The following FLT3 variants were observed in gnomAD, a reference collection of about 807,000 sequenced individuals.
The protein encoded by FLT3 is fms related receptor tyrosine kinase 3.
Under a neutral mutation model 126.6 loss-of-function variants are expected in FLT3, and 46 were observed. The observed-to-expected ratio is 0.36, with a 90% confidence interval of 0.29 to 0.46. The LOEUF (loss-of-function observed/expected upper bound fraction) is 0.46, where lower values mean the gene tolerates loss of function less well. Ranked by LOEUF, FLT3 falls within the 20% of genes least tolerant of loss-of-function variation. The pLI is 1.00. For missense variants in FLT3, 1,069 were observed against 1,190.3 expected (o/e 0.90, Z 1.50); for synonymous variants, 404 against 434.4 (o/e 0.93, Z 0.87).
In FLT3 at chr13:28,026,058, C is replaced by T. The variant is rs376502892; in HGVS notation, c.2207+1030G>A. The stretch of plus-strand genomic sequence containing the variant: ...CCATACAGGGAGGGAAATAAGAACG[C>T]GCCAAGGCTCAGCCAGGTGCGGTGG... On this transcript the variant is annotated intron_variant, in intron 17 of 23. Transcript: ENST00000241453. Among the ~76,000 whole-genome samples, 18 of 152,208 alleles carry T rather than the reference C, an allele frequency of 1.2e-4. No homozygotes were observed. In the South Asian group the frequency reaches 1.2e-3, roughly 11 times the overall value.
intron 1 of FLT3, among the ~76,000 whole-genome samples, chr13:28,089,192 A>G (rs1479468155): frequency 6.6e-6 from 1 of 152,200 alleles, no homozygotes; most frequent in Non-Finnish European, 1.5e-5. Flanking sequence ...AAACCAAAAA[A>G]CTGACAATAC....
At chr13:28,076,325 C>T (rs989421714) in intron 1 of FLT3, among the ~76,000 whole-genome samples, 2 of 152,034 alleles carry the variant, frequency 1.3e-5, no homozygotes, top group African/African-American at 2.4e-5. Flanking sequence ...GATATATATA[C>T]ATATATTTCA....
chr13:28,091,408 A>G (rs996040958), intron 1 of FLT3, among the ~76,000 whole-genome samples: 10 of 148,196 alleles, frequency 6.7e-5, no homozygotes, highest in African/African-American at 1.0e-4. Flanking sequence ...TTTTTAGTAG[A>G]GACGGGGTTT....
chr13:28,090,801 A>G (rs1397679356), intron 1 of FLT3, among the ~76,000 whole-genome samples: 1 of 152,142 alleles, frequency 6.6e-6, no homozygotes, highest in African/African-American at 2.4e-5. Context: ...ACAAAAGAAC[A>G]AAGCCAAAGG....
At chr13:28,097,397 T>C (rs1336164466) in intron 1 of FLT3, among the ~76,000 whole-genome samples, 1 of 152,174 alleles carries the variant, frequency 6.6e-6, no homozygotes, top group African/African-American at 2.4e-5. Context: ...TCCTTCCCAT[T>C]TAATATCTCA....
chr13:28,072,998 C>T (rs11616501), intron 1 of FLT3, among the ~76,000 whole-genome samples: 79,979 of 148,980 alleles, frequency 0.54, 22,659 homozygotes, highest in East Asian at 0.75. Flanking sequence ...GAGCGAGACT[C>T]CGTCTCTAAA....
chr13:28,045,230 G>C (rs968971216), intron 9 of FLT3, among the ~76,000 whole-genome samples: 1 of 152,140 alleles, frequency 6.6e-6, no homozygotes, highest in African/African-American at 2.4e-5. Flanking sequence ...ATCTCAAAAG[G>C]TTATACCAGA....
At chr13:28,099,220 G>A (rs1362993641) in intron 1 of FLT3, among the ~76,000 whole-genome samples, 1 of 152,094 alleles carries the variant, frequency 6.6e-6, no homozygotes, top group African/African-American at 2.4e-5. Context: ...AGCCCATTAT[G>A]CTTCTGAAAA....
Position 28,015,597 on chromosome 13 carries a change from G to C in FLT3, c.2646C>G (p.Phe882Leu). 2 of 1,603,392 alleles carry C rather than the reference G, an allele frequency of 1.2e-6. No homozygotes were observed. The highest frequency in any genetic ancestry group is 1.7e-6 in the Non-Finnish European group (2 of 1,171,264). Residue 882 changes from phenylalanine (F) to leucine (L), a missense_variant, in exon 21 of 24, where the codon TTC becomes TTG. By Grantham distance (22) the Phe-to-Leu change is conservative. Coordinates refer to ENST00000241453, the MANE Select transcript of FLT3 (RefSeq NM_004119.3). Reference sequence around the variant, plus strand: ...AGCAGCTGCCCAACTTACCAAGTGAGAAGATTTCCCACAGTAATATTCCAT... The same window carrying C: ...AGCAGCTGCCCAACTTACCAAGTGACAAGATTTCCCACAGTAATATTCCAT... ...WSYGILLWEI[F>L]SLGVNPYPGI...
In FLT3 at chr13:28,023,558, G is replaced by C. The variant is rs890174943; in HGVS notation, c.2291-81C>G. On this transcript the variant is annotated intron_variant, in intron 18 of 23. Transcript: ENST00000241453. ...AAATCTCTATGGGAAGGTTATTCAA[G>C]CCAGAGTTAGGTGAGGTGCTAAGAC... 43 of 1,497,864 alleles carry C rather than the reference G, an allele frequency of 2.9e-5. No homozygotes were observed. The African/African-American group carries it at 5.5e-4, about 19-fold the overall frequency. The allele number at this position is 1,497,864 out of a possible 1,614,324, so 92.8% of individuals were successfully genotyped here.
Position 28,015,688 on chromosome 13 carries a change from A to G in FLT3, c.2555T>C (p.Val852Ala). 1 of 1,611,738 alleles carries G rather than the reference A, an allele frequency of 6.2e-7. No homozygotes were observed. The highest frequency in any genetic ancestry group is 1.1e-5 in the South Asian group (1 of 91,012). The change falls in exon 21 of 24, where the codon GTA (valine) becomes GCA (alanine). Residue 852 changes from valine to alanine, a missense_variant. By Grantham distance (64) the Val-to-Ala change is moderately conservative. Coordinates refer to ENST00000241453, the MANE Select transcript of FLT3 (RefSeq NM_004119.3). ...CAGGCTTTCGGGGGCCATCCATTTT[A>G]CAGGCAGACGGGCCTGTGGAAAACC... ...YVVRGNARLP[V>A]KWMAPESLFE...
intron 2 of FLT3, among the ~76,000 whole-genome samples, chr13:28,066,379 C>A (rs115327615): frequency 8.5e-5 from 13 of 152,148 alleles, no homozygotes. Context: ...CTAAATACTA[C>A]CCCCCAGAGA....
In FLT3 at chr13:28,049,440, T is replaced by A; in HGVS notation, c.980A>T (p.Tyr327Phe). The part of the protein sequence containing the change: ...VSSVARNDTG[Y>F]YTCSSSKHPS... ...ATGCTTTGAAGAGGAACAAGTGTAGTATCCGGTGTCGTTTCTTGCCACTGA... is the reference window on the plus strand; with the variant it reads ...ATGCTTTGAAGAGGAACAAGTGTAGAATCCGGTGTCGTTTCTTGCCACTGA... Residue 327 changes from tyrosine to phenylalanine, a missense_variant, in exon 8 of 24, where the codon TAC becomes TTC. Tyr to Phe is a conservative substitution (Grantham distance 22, BLOSUM62 3). Transcript: ENST00000241453. 6.2e-7 allele frequency: 1 copy of A among 1,613,254 alleles called. No homozygotes were observed. Among genetic ancestry groups the A allele is most frequent in the Non-Finnish European group, 8.5e-7 (1 of 1,179,710 alleles).
Position 28,003,934 on chromosome 13 carries a change from G to C in FLT3, c.*118C>G. ...GCAGACAGCTTCTAGAGAAAAGTCT[G>C]GTGAAGCAGCAGTTGATAATAGATT... On this transcript the variant is annotated 3_prime_UTR_variant, in exon 24 of 24. Transcript: ENST00000241453. 8.4e-7 allele frequency: 1 copy of C among 1,195,478 alleles called. No homozygotes were observed. Among genetic ancestry groups the C allele is most frequent in the Non-Finnish European group, 1.2e-6 (1 of 830,054 alleles). The allele number at this position is 1,195,478 out of a possible 1,614,324, so 74.1% of individuals were successfully genotyped here. A position where few individuals can be genotyped will look rare whatever the true frequency, so the allele number is the denominator to read the frequency against.
At chr13:28,046,842 C>T (rs899164440) in intron 9 of FLT3, among the ~76,000 whole-genome samples, 28 of 152,118 alleles carry the variant, frequency 1.8e-4, no homozygotes, top group African/African-American at 4.3e-4. Context: ...GCGATCCACC[C>T]GCCTTGGCTT....
At chr13:28,080,961 G>T (rs946053615) in intron 1 of FLT3, among the ~76,000 whole-genome samples, 7 of 151,982 alleles carry the variant, frequency 4.6e-5, no homozygotes, top group African/African-American at 1.7e-4. Context: ...CAGTTTCTAG[G>T]TCGCAAATCA....
intron 10 of FLT3, 64 bp from the exon 11 acceptor site, chr13:28,036,107 C>A: frequency 7.2e-7 from 1 of 1,383,798 alleles, no homozygotes; most frequent in Non-Finnish European, 1.0e-6. Flanking sequence ...CCTATAATAC[C>A]AATACTTTGT....
At chr13:28,012,969 T>C (rs924212312) in intron 23 of FLT3, among the ~76,000 whole-genome samples, 1 of 152,014 alleles carries the variant, frequency 6.6e-6, no homozygotes, top group African/African-American at 2.4e-5. Context: ...TAGACAGCTA[T>C]ACATGCACAT....
intron 19 of FLT3, 130 bp from the exon 20 acceptor site, chr13:28,018,719 C>T (rs1349241030): frequency 5.5e-6 from 5 of 910,896 alleles, no homozygotes; most frequent in East Asian, 2.5e-5. Context: ...TGGGCTGTGC[C>T]GTGAGCGGCC....
Sources: gnomAD v4.1 joint callset for allele counts (sites outside exome capture counted in the v4.1 genomes callset) on GRCh38, gnomAD v4.1.1 for gene constraint, MANE v1.5 for transcripts, NCBI Gene and HGNC (gene_info 2026-07-23, HGNC 2026-07-21) for gene names.